RUVBL1: variants seen among roughly 807,000 people sequenced by gnomAD.
RUVBL1 encodes RuvB like AAA ATPase 1.
RUVBL1 carries 4 observed loss-of-function variants against 52.4 expected under a neutral mutation model. The observed-to-expected ratio is 0.08, with a 90% CI of 0.04 to 0.17. The LOEUF (loss-of-function observed/expected upper bound fraction) is 0.17, where lower values mean the gene tolerates loss of function less well. RUVBL1 is among the 10% of genes least tolerant of loss of function. The pLI is 1.00. For missense variants in RUVBL1, 298 were observed against 572.8 expected (o/e 0.52, Z 4.90); for synonymous variants, 217 against 214.4 (o/e 1.01, Z -0.10).
At chr3:128,097,594 A>C in intron 7 of RUVBL1, 96 bp from the exon 8 acceptor site, 1 of 1,092,930 alleles carries the variant, frequency 9.1e-7, no homozygotes, top group East Asian at 2.4e-5. Context: ...AACCCATGCT[A>C]GGAGCCTAGT....
exon 1 of RUVBL1, chr3:128,153,556 G>A (rs952424830): frequency 2.0e-6 from 3 of 1,532,402 alleles, no homozygotes; most frequent in South Asian, 1.2e-5. Flanking sequence ...GGGCCACATC[G>A]ACAGCGGCAA....
chr3:128,070,243 AAG>A (rs971328978), intron 9 of RUVBL1: 1 of 152,258 alleles, frequency 6.6e-6, no homozygotes, highest in Non-Finnish European at 1.5e-5. Flanking sequence ...CTTCTTCCAA[AAG>A]AGAGGGATGG....
chr3:128,072,921 G>C lies in RUVBL1; in HGVS notation c.940-7701C>G, dbSNP rs530178472. Among the ~76,000 whole-genome samples the C allele has an allele frequency of 2.0e-3, 307 of 152,272 alleles. 2 individuals are homozygous for C. The highest frequency in any genetic ancestry group is 6.7e-3 in the African/African-American group (277 of 41,528). On this transcript the variant is annotated intron_variant, in intron 9 of 9. Coordinates refer to the RUVBL1 transcript ENST00000464873. ...GGGAACTAATGCACAGTGATGGGGGGGTAAGGCTTACTCTGCTTTTTCCCT... is the reference window on the plus strand; with the variant it reads ...GGGAACTAATGCACAGTGATGGGGGCGTAAGGCTTACTCTGCTTTTTCCCT...
At chr3:128,135,869 A>T (rs976941950) in intron 1 of RUVBL1, among the ~76,000 whole-genome samples, 7 of 152,250 alleles carry the variant, frequency 4.6e-5, no homozygotes, top group African/African-American at 1.7e-4. Context: ...ATAAAAGATG[A>T]ACTTATCAAA....
chr3:128,075,074 G>A (rs976254299), intron 9 of RUVBL1: 1 of 152,148 alleles, frequency 6.6e-6, no homozygotes, highest in African/African-American at 2.4e-5. Context: ...TTCCCCCAAA[G>A]GGGGTGCACT....
In RUVBL1 at chr3:128,082,657, A is replaced by G; in HGVS notation, c.1120-83T>C. The stretch of plus-strand genomic sequence containing the variant: ...AAGTGCTTTAAAGACAATGTTGCTC[A>G]GATTTCTCACTGTGCAGCATAAGAG... On this transcript the variant is annotated intron_variant, in intron 9 of 10. Coordinates refer to ENST00000322623, the MANE Select transcript of RUVBL1 (RefSeq NM_003707.3). The surrounding 1 kb of genome is among the most constrained non-coding windows in gnomAD (Gnocchi z 4.7). The G allele has an allele frequency of 1.8e-6, 2 of 1,122,516 alleles. No homozygotes were observed. Among genetic ancestry groups the G allele is most frequent in the Non-Finnish European group, 2.6e-6 (2 of 774,398 alleles). The allele number at this position is 1,122,516 out of a possible 1,614,324, so 69.5% of individuals were successfully genotyped here.
intron 1 of RUVBL1, among the ~76,000 whole-genome samples, chr3:128,122,672 T>TA (rs1438285711): frequency 1.3e-5 from 2 of 152,222 alleles, no homozygotes; most frequent in African/African-American, 4.8e-5. Flanking sequence ...CTTAACTTTA[T>TA]ATTAAGTGAA....
At position 128,097,284 on chromosome 3, in the gene RUVBL1, C is replaced by G. The variant is rs1364861811; in HGVS notation, c.1016+16G>C. On this transcript the variant is annotated intron_variant, in intron 8 of 10. Coordinates refer to ENST00000322623, the MANE Select transcript of RUVBL1 (RefSeq NM_003707.3). ...GAAGTTAAAAAAGCCTTGTGGCTGG[C>G]AGGCAGCCATCCTACCTGATGACAC... is the stretch of plus-strand genomic sequence containing the variant. 3 of 1,611,050 alleles carry G rather than the reference C, an allele frequency of 1.9e-6. No individual in the cohort carries two copies. The highest frequency in any genetic ancestry group is 2.5e-6 in the Non-Finnish European group (3 of 1,178,278).
upstream of RUVBL1, among the ~76,000 whole-genome samples, chr3:128,124,119 C>T (rs1943729043): frequency 6.6e-6 from 1 of 152,182 alleles, no homozygotes; most frequent in Non-Finnish European, 1.5e-5. Context: ...ACGTCATACT[C>T]TTACGCAAAT....
chr3:128,106,375 G>A (rs976319346), intron 3 of RUVBL1, among the ~76,000 whole-genome samples: 1 of 152,100 alleles, frequency 6.6e-6, no homozygotes, highest in African/African-American at 2.4e-5. Context: ...TTCATTACAT[G>A]CTTTTGCATA....
chr3:128,069,557 G>A lies in RUVBL1; in HGVS notation c.940-4337C>T, dbSNP rs1282553749. On this transcript the variant is annotated intron_variant, in intron 9 of 9. Coordinates refer to the RUVBL1 transcript ENST00000464873. Reference sequence around the variant, plus strand: ...TGGCTGACTTCCTAGGCGCCATTGGGTCTGGAACCGGGATCCTGCTCGCAG... The same window carrying A: ...TGGCTGACTTCCTAGGCGCCATTGGATCTGGAACCGGGATCCTGCTCGCAG... 6.2e-6 allele frequency: 10 copies of A among 1,614,118 alleles called. No homozygotes were observed. The highest frequency in any genetic ancestry group is 8.5e-6 in the Non-Finnish European group (10 of 1,180,034).
intron 9 of RUVBL1, among the ~76,000 whole-genome samples, chr3:128,072,003 A>G (rs1942180940): frequency 6.6e-6 from 1 of 152,256 alleles, no homozygotes; most frequent in Non-Finnish European, 1.5e-5. Flanking sequence ...ACCTTCTAGC[A>G]GGAGCCTAGG....
chr3:128,090,144 G>A (rs923773645), intron 8 of RUVBL1, among the ~76,000 whole-genome samples: 8 of 151,938 alleles, frequency 5.3e-5, no homozygotes, highest in Non-Finnish European at 1.0e-4. Flanking sequence ...TGGTTAAAAT[G>A]GCAAATTTTA....
chr3:128,098,260 C>T lies in RUVBL1; in HGVS notation c.817+622G>A, dbSNP rs1008761659. Among the ~76,000 whole-genome samples the T allele has an allele frequency of 2.0e-4, 30 of 152,196 alleles. 1 individual carries two copies. ...AGGCGGGGATTGTCCAAAGAGGATG[C>T]ACACCGAAAACCGTGTGAAAAGAAA... On this transcript the variant is annotated intron_variant, in intron 7 of 10. Transcript: ENST00000322623.
upstream of RUVBL1, among the ~76,000 whole-genome samples, chr3:128,128,046 AC>A (rs1442962704): frequency 2.0e-5 from 3 of 151,994 alleles, no homozygotes; most frequent in Non-Finnish European, 4.4e-5. Context: ...ATACATACAT[AC>A]ATACATAAAT....
At chr3:128,103,773 CACACAT>C (rs1176275967) in intron 4 of RUVBL1, among the ~76,000 whole-genome samples, 1 of 152,202 alleles carries the variant, frequency 6.6e-6, no homozygotes, top group African/African-American at 2.4e-5. Flanking sequence ...GAAAACTATA[CACACAT>C]ACACACACGC....
At chr3:128,127,329 G>T (rs1377527981), upstream of RUVBL1, among the ~76,000 whole-genome samples, 2 of 152,082 alleles carry the variant, frequency 1.3e-5, no homozygotes, top group Admixed American at 6.6e-5. Context: ...TAATTGTGTG[G>T]ACTACTACAT....
At chr3:128,138,198 A>G (rs1480912473) in intron 1 of RUVBL1, among the ~76,000 whole-genome samples, 1 of 152,190 alleles carries the variant, frequency 6.6e-6, no homozygotes. Flanking sequence ...TAGAGCAATC[A>G]GACAACACAA....
intron 8 of RUVBL1, among the ~76,000 whole-genome samples, chr3:128,091,322 A>C (rs551147619): frequency 1.6e-4 from 25 of 152,326 alleles, no homozygotes; most frequent in Admixed American, 3.3e-4. Flanking sequence ...GGAGGATCAC[A>C]GTTTAACAAG....
Sources: allele counts gnomAD v4.1 joint callset (sites outside exome capture counted in the v4.1 genomes callset), GRCh38; gene constraint gnomAD v4.1.1; non-coding constraint Gnocchi (gnomAD v3.1); transcripts MANE v1.5; gene names NCBI Gene and HGNC (gene_info 2026-07-23, HGNC 2026-07-21).